Variants in UST observed in about 807,000 individuals in gnomAD.
The protein encoded by UST is chondroitin sulfate 2-O-sulfotransferase.
In UST, 21 loss-of-function variants were observed where a neutral mutation model predicts 45.6. That is an observed-to-expected ratio of 0.46 (90% confidence interval 0.33 to 0.66). The LOEUF is 0.66. UST is among the 30% of genes least tolerant of loss of function. The pLI, the probability that UST is intolerant of heterozygous loss-of-function variation, is 0.02. For missense variants in UST, 463 were observed against 512.4 expected (o/e 0.90, Z 0.93); for synonymous variants, 215 against 200.6 (o/e 1.07, Z -0.61).
At chr6:148,760,705 G>GCAAAACAAAA (rs541127131) in intron 1 of UST, among the ~76,000 whole-genome samples, 9 of 149,650 alleles carry the variant, frequency 6.0e-5, no homozygotes, top group South Asian at 2.1e-4. Context: ...CATAACCATA[G>GCAAAACAAAA]CAAAACAAAA....
rs1320465125 is a variant in UST, at chr6:148,790,429, G to A, written c.247+42752G>A. ...AAAAAGAGGCCACTGGTTCAGATGA[G>A]GGCAAGGCAGTTGCCCAGGGGTAGA... On this transcript the variant is annotated intron_variant, in intron 1 of 7. Transcript: ENST00000367463. This position sits in a 1 kb window ranked among gnomAD's most constrained non-coding sequence, Gnocchi z 4.2. Among the ~76,000 whole-genome samples the A allele has an allele frequency of 1.3e-5, 2 of 152,204 alleles. No homozygotes were observed. Among genetic ancestry groups the A allele is most frequent in the East Asian group, 3.8e-4 (2 of 5,198 alleles).
At chr6:149,071,168 C>T (rs747703668) in intron 7 of UST, among the ~76,000 whole-genome samples, 67 of 152,086 alleles carry the variant, frequency 4.4e-4, no homozygotes, top group Middle Eastern at 6.8e-3. Context: ...TTTTTTTGTA[C>T]CTATGAACCA....
chr6:148,772,003 T>G (rs537988845), intron 1 of UST, among the ~76,000 whole-genome samples: 2 of 152,164 alleles, frequency 1.3e-5, no homozygotes, highest in African/African-American at 4.8e-5. Context: ...TATTTTTTTT[T>G]CCCCAGAAAT....
At chr6:148,994,503 G>T (rs1162958251) in intron 5 of UST, among the ~76,000 whole-genome samples, 1 of 151,998 alleles carries the variant, frequency 6.6e-6, no homozygotes, top group Non-Finnish European at 1.5e-5. Context: ...TGTGTTTTTT[G>T]GGGGACTAAT....
intron 5 of UST, among the ~76,000 whole-genome samples, chr6:148,979,046 A>G (rs1211645890): frequency 6.6e-6 from 1 of 152,290 alleles, no homozygotes; most frequent in East Asian, 1.9e-4. Flanking sequence ...GGAAAAAGAC[A>G]AAGATTATCA....
intron 7 of UST, among the ~76,000 whole-genome samples, chr6:149,033,901 C>T (rs571527853): frequency 1.3e-5 from 2 of 152,180 alleles, no homozygotes; most frequent in East Asian, 3.9e-4. Context: ...CCAACCCTCC[C>T]AAAGATGAAG....
chr6:148,963,497 T>C (rs1780713135), intron 4 of UST, among the ~76,000 whole-genome samples: 1 of 152,238 alleles, frequency 6.6e-6, no homozygotes, highest in Non-Finnish European at 1.5e-5. Flanking sequence ...ACCTTGTTCT[T>C]GGGCCAAGAT....
At chr6:148,888,308 A>C (rs1476074992) in intron 2 of UST, among the ~76,000 whole-genome samples, 1 of 152,198 alleles carries the variant, frequency 6.6e-6, no homozygotes, top group Non-Finnish European at 1.5e-5. Context: ...ATCCACCCTC[A>C]TGATCCAGTC....
intron 1 of UST, among the ~76,000 whole-genome samples, chr6:148,847,935 C>G (rs1200866035): frequency 2.0e-5 from 3 of 152,168 alleles, no homozygotes; most frequent in Non-Finnish European, 4.4e-5. Flanking sequence ...TCCCACTGGA[C>G]AGAGCTTTTG....
chr6:148,779,532 G>GC (rs1481902833), intron 1 of UST, among the ~76,000 whole-genome samples: 1 of 152,178 alleles, frequency 6.6e-6, no homozygotes, highest in Non-Finnish European at 1.5e-5. Context: ...TCCTGGTCCT[G>GC]CCTCTGTTGC....
intron 1 of UST, among the ~76,000 whole-genome samples, chr6:148,778,307 T>G (rs373152094): frequency 3.2e-5 from 4 of 125,056 alleles, no homozygotes; most frequent in African/African-American, 1.1e-4. Flanking sequence ...GTTTTCTGTT[T>G]TAAACAAGAA....
At chr6:148,806,967 A>T (rs1490396236) in intron 1 of UST, among the ~76,000 whole-genome samples, 1 of 152,220 alleles carries the variant, frequency 6.6e-6, no homozygotes, top group African/African-American at 2.4e-5. Context: ...CCCACCTTTC[A>T]ACACTGTTGC....
At position 148,900,851 on chromosome 6, in the gene UST, G is replaced by A. The variant is rs552238196; in HGVS notation, c.291+13822G>A. Among the ~76,000 whole-genome samples the A allele has an allele frequency of 2.6e-5, 4 of 152,272 alleles. No homozygotes were observed. In the East Asian group the frequency reaches 7.7e-4, roughly 29 times the overall value. On this transcript the variant is annotated intron_variant, in intron 2 of 7. Coordinates refer to ENST00000367463, the MANE Select transcript of UST (RefSeq NM_005715.3). ...GAGATGCGTTCCTTCTGGAAGCTCT[G>A]GGGCAAATCCATTTCCTTGACTTTT...
chr6:148,894,558 A>G (rs1201388700), intron 2 of UST, among the ~76,000 whole-genome samples: 3 of 152,126 alleles, frequency 2.0e-5, no homozygotes, highest in East Asian at 3.9e-4. Flanking sequence ...CCAAACCCCC[A>G]GGCAGGAGCC....
intron 1 of UST, among the ~76,000 whole-genome samples, chr6:148,832,662 TA>T (rs1777710931): frequency 6.6e-6 from 1 of 152,338 alleles, no homozygotes; most frequent in African/African-American, 2.4e-5. Flanking sequence ...GAAGTCCAAG[TA>T]ATCTTGCATT....
chr6:148,779,331 T>C (rs918600049), intron 1 of UST, among the ~76,000 whole-genome samples: 2 of 152,234 alleles, frequency 1.3e-5, no homozygotes, highest in Admixed American at 6.5e-5. Flanking sequence ...TTTTTAAGAA[T>C]ACTTTGAGAA....
intron 1 of UST, among the ~76,000 whole-genome samples, chr6:148,784,920 A>G (rs888628472): frequency 6.6e-6 from 1 of 152,204 alleles, no homozygotes; most frequent in Admixed American, 6.5e-5. Flanking sequence ...AATGAAGAGC[A>G]TATATGTGGC....
chr6:149,029,866 T>TGTGTG (rs1776112970), intron 7 of UST, among the ~76,000 whole-genome samples: 1 of 140,706 alleles, frequency 7.1e-6, no homozygotes, highest in African/African-American at 2.7e-5. Flanking sequence ...GCACTGGATC[T>TGTGTG]TGTGTGTGTG....
At chr6:148,991,000 G>T (rs1781340196) in intron 5 of UST, among the ~76,000 whole-genome samples, 1 of 152,198 alleles carries the variant, frequency 6.6e-6, no homozygotes, top group Admixed American at 6.5e-5. Flanking sequence ...AGCCCCACCT[G>T]TCATGGAGCT....
Sources: gnomAD v4.1 joint callset for allele counts (sites outside exome capture counted in the v4.1 genomes callset) on GRCh38, gnomAD v4.1.1 for gene constraint, Gnocchi (gnomAD v3.1) non-coding constraint, MANE v1.5 for transcripts, NCBI Gene and HGNC (gene_info 2026-07-23, HGNC 2026-07-21) for gene names.